FAM13A: variants seen among roughly 807,000 people sequenced by gnomAD.
FAM13A encodes the protein protein FAM13A.
FAM13A carries 76 observed loss-of-function variants against 129.6 expected under a neutral mutation model. That is an observed-to-expected ratio of 0.59 (90% CI 0.49 to 0.71). FAM13A has a LOEUF of 0.71. FAM13A is among the 30% of genes least tolerant of loss of function. The pLI is 0.00. For missense variants in FAM13A, 1,108 were observed against 1,249.3 expected, an observed-to-expected ratio of 0.89 and a Z score of 1.70; for synonymous variants, 443 against 449.9, an observed-to-expected ratio of 0.98 and a Z score of 0.20.
chr4:89,009,257 A>C (rs1379864878), intron 3 of FAM13A, among the ~76,000 whole-genome samples: 1 of 152,188 alleles, frequency 6.6e-6, no homozygotes, highest in Non-Finnish European at 1.5e-5. Flanking sequence ...CGTAGCATGC[A>C]GTTGCAACTT....
chr4:88,822,549 G>T (rs1732201744), intron 7 of FAM13A, among the ~76,000 whole-genome samples: 1 of 152,112 alleles, frequency 6.6e-6, no homozygotes, highest in African/African-American at 2.4e-5. Context: ...GCCTAGATCT[G>T]AACTCCAGAA....
intron 11 of FAM13A, among the ~76,000 whole-genome samples, chr4:88,768,863 T>C (rs955274925): frequency 6.6e-6 from 1 of 152,192 alleles, no homozygotes; most frequent in South Asian, 2.1e-4. Context: ...TCTGTGAATA[T>C]GGCCAATGCT....
chr4:88,818,811 G>A (rs1418881892), intron 7 of FAM13A, among the ~76,000 whole-genome samples: 3 of 152,184 alleles, frequency 2.0e-5, no homozygotes, highest in Non-Finnish European at 2.9e-5. Context: ...GAGACTTCTA[G>A]ATAAATTAAC....
chr4:88,931,220 G>A (rs561027786), intron 5 of FAM13A, among the ~76,000 whole-genome samples: 2 of 152,126 alleles, frequency 1.3e-5, no homozygotes, highest in Non-Finnish European at 1.5e-5. Context: ...TGTGTCTGTA[G>A]ATGATGGGTA....
At position 88,925,474 on chromosome 4, in the gene FAM13A, G is replaced by A. The variant is rs531662936; in HGVS notation, c.759+12614C>T. On this transcript the variant is annotated intron_variant, in intron 5 of 23. Coordinates refer to ENST00000264344, the MANE Select transcript of FAM13A (RefSeq NM_014883.4). ...GCAAGGACAAAAAACCAAACACTGC[G>A]TGTTCTCACTCATAGGTGGGAATTG... Among the ~76,000 whole-genome samples, 307 of 149,202 alleles carry A rather than the reference G, an allele frequency of 2.1e-3. 4 individuals carry two copies. Among genetic ancestry groups the A allele is most frequent in the African/African-American group, 7.1e-3 (289 of 40,640 alleles).
At chr4:89,025,288 C>T (rs887728985) in intron 2 of FAM13A, among the ~76,000 whole-genome samples, 19 of 111,904 alleles carry the variant, frequency 1.7e-4, no homozygotes, top group Non-Finnish European at 3.0e-4. Context: ...GACGGAGTCT[C>T]GCTCTGTCGC....
chr4:88,897,583 G>A (rs1746571428), intron 6 of FAM13A, among the ~76,000 whole-genome samples: 1 of 152,106 alleles, frequency 6.6e-6, no homozygotes, highest in Admixed American at 6.6e-5. Context: ...CCCATATAGG[G>A]ATCAGAAATA....
chr4:88,777,892 C>T (rs939862532), intron 11 of FAM13A, among the ~76,000 whole-genome samples: 1 of 152,174 alleles, frequency 6.6e-6, no homozygotes, highest in Non-Finnish European at 1.5e-5. Flanking sequence ...TTTTACTTGA[C>T]CTATCATCTG....
chr4:88,839,702 C>T (rs1327995394), intron 7 of FAM13A, among the ~76,000 whole-genome samples: 2 of 152,120 alleles, frequency 1.3e-5, no homozygotes, highest in African/African-American at 4.8e-5. Flanking sequence ...GCCTGGTCAA[C>T]ATAGTGAGAC....
chr4:88,848,052 C>T (rs1736967677), intron 7 of FAM13A, among the ~76,000 whole-genome samples: 1 of 152,140 alleles, frequency 6.6e-6, no homozygotes, highest in Non-Finnish European at 1.5e-5. Flanking sequence ...GGTAATCTGG[C>T]AAAATAACAT....
At chr4:88,807,255 C>G (rs1728742557) in intron 7 of FAM13A, among the ~76,000 whole-genome samples, 3 of 152,136 alleles carry the variant, frequency 2.0e-5, no homozygotes, top group African/African-American at 7.2e-5. Context: ...TGTGTCTTAG[C>G]TATTTGTGTG....
intron 14 of FAM13A, among the ~76,000 whole-genome samples, chr4:88,758,266 A>C (rs1208757725): frequency 6.6e-6 from 1 of 152,186 alleles, no homozygotes; most frequent in Non-Finnish European, 1.5e-5. Flanking sequence ...CAAATCCCTT[A>C]AATTTGTTAA....
chr4:88,746,868 A>G lies in FAM13A; in HGVS notation c.2466+64T>C, dbSNP rs187718643. The G allele has an allele frequency of 3.7e-4, 391 of 1,065,962 alleles. 2 individuals carry two copies. The African/African-American group carries it at 5.4e-3, about 15-fold the overall frequency. 66.0% of individuals were successfully genotyped at this position (1,065,962 alleles called of 1,614,324 possible). A position where few individuals can be genotyped will look rare whatever the true frequency, so the allele number is the denominator to read the frequency against. On this transcript the variant is annotated intron_variant, in intron 19 of 23. Transcript: ENST00000264344. The stretch of plus-strand genomic sequence containing the variant: ...GAACCCCATTTGTAAAATACTGAAC[A>G]TAGAAAATCCATTTCTAAAGCCAGA...
intron 6 of FAM13A, among the ~76,000 whole-genome samples, chr4:88,875,582 C>T (rs1742265308): frequency 6.6e-6 from 1 of 152,154 alleles, no homozygotes; most frequent in Non-Finnish European, 1.5e-5. Flanking sequence ...AAATCAAAAC[C>T]ACAATGAGAT....
At chr4:88,786,732 T>C (rs1724040372) in intron 10 of FAM13A, among the ~76,000 whole-genome samples, 1 of 152,138 alleles carries the variant, frequency 6.6e-6, no homozygotes, top group African/African-American at 2.4e-5. Flanking sequence ...AGGTATAGCA[T>C]GAAACTTATT....
intron 10 of FAM13A, among the ~76,000 whole-genome samples, chr4:88,781,851 G>A (rs563343159): frequency 2.7e-5 from 4 of 149,204 alleles, no homozygotes; most frequent in South Asian, 2.1e-4. Flanking sequence ...GGGGTGGGGG[G>A]AGCGGGGAGG....
chr4:88,922,902 T>C (rs1214283272), intron 5 of FAM13A, among the ~76,000 whole-genome samples: 1 of 152,126 alleles, frequency 6.6e-6, no homozygotes, highest in African/African-American at 2.4e-5. Context: ...CAAACTACCA[T>C]CAGAGAATAC....
chr4:89,052,569 T>C (rs886270320), intron 1 of FAM13A, among the ~76,000 whole-genome samples: 3 of 150,598 alleles, frequency 2.0e-5, no homozygotes, highest in African/African-American at 7.3e-5. Flanking sequence ...GGGCCTGGGA[T>C]GAGAGTAATA....
At chr4:88,951,254 G>A (rs1342800337) in intron 4 of FAM13A, among the ~76,000 whole-genome samples, 4 of 152,132 alleles carry the variant, frequency 2.6e-5, no homozygotes, top group African/African-American at 7.2e-5. Flanking sequence ...GGGATGGGGC[G>A]AGTGGCAGAC....
Sources: allele counts gnomAD v4.1 joint callset (sites outside exome capture counted in the v4.1 genomes callset), GRCh38; gene constraint gnomAD v4.1.1; transcripts MANE v1.5; gene names NCBI Gene and HGNC (gene_info 2026-07-23, HGNC 2026-07-21).